The following NUP133 variants were observed in gnomAD, a reference collection of about 807,000 sequenced individuals.
NUP133 encodes nuclear pore complex protein Nup133.
A neutral mutation model predicts 146.2 loss-of-function variants in NUP133; 66 were observed. That is an observed-to-expected ratio of 0.45 (90% CI 0.37 to 0.55). The LOEUF (loss-of-function observed/expected upper bound fraction) is 0.55. NUP133 is among the 20% of genes least tolerant of loss of function. The pLI is 0.00. For synonymous variants in NUP133, 521 were observed against 498.8 expected (o/e 1.04, Z -0.59); for missense variants, 1,277 against 1,374.8 (o/e 0.93, Z 1.12).
chr1:229,505,831 T>C lies in NUP133; in HGVS notation c.301+209A>G, dbSNP rs566893625. ...TGAACCTGGGAGGTGGTGGTTGCAG[T>C]GAGCTGAGATCACACCACTGCACTC... On this transcript the variant is annotated intron_variant, in intron 2 of 25. Coordinates refer to ENST00000261396, the MANE Select transcript of NUP133 (RefSeq NM_018230.3). 3.0e-3 allele frequency among the ~76,000 whole-genome samples: 462 copies of C among 152,202 alleles called. 2 individuals carry two copies. The highest frequency in any genetic ancestry group is 0.011 in the African/African-American group (450 of 41,528).
In NUP133 at chr1:229,450,543, C is replaced by T; in HGVS notation, c.3162G>A (p.Leu1054=). The change falls in exon 23 of 26, where the codon TTG becomes TTA. Residue 1054 remains leucine (L), a synonymous_variant. Coordinates refer to ENST00000261396, the MANE Select transcript of NUP133 (RefSeq NM_018230.3). ...NEYDFKKALD[L]LEYIDEEEDI... is the part of the protein sequence containing the mutation. ...TACTTACCTCATCAATATATTCCAA[C>T]AAGTCCAAAGCTTTCTTGAAATCAT... 1.9e-6 allele frequency: 3 copies of T among 1,583,526 alleles called. No individual in the cohort carries two copies. The highest frequency in any genetic ancestry group is 2.6e-6 in the Non-Finnish European group (3 of 1,157,822).
intron 14 of NUP133, among the ~76,000 whole-genome samples, chr1:229,472,281 T>C (rs766848044): frequency 1.4e-5 from 2 of 144,908 alleles, no homozygotes; most frequent in Non-Finnish European, 3.0e-5. Context: ...ATTGCGCCAC[T>C]GCACTCCAGC....
At chr1:229,471,577 T>C (rs935109213) in intron 14 of NUP133, among the ~76,000 whole-genome samples, 1 of 152,218 alleles carries the variant, frequency 6.6e-6, no homozygotes, top group Non-Finnish European at 1.5e-5. Context: ...TCTACTGAGT[T>C]GCTTGGTGCC....
intron 21 of NUP133, among the ~76,000 whole-genome samples, chr1:229,456,747 ATATATATACACACAATTT>A (rs1660569209): frequency 6.6e-6 from 1 of 151,588 alleles, no homozygotes; most frequent in African/African-American, 2.4e-5. Context: ...TATTGTGTAT[ATATATATACACACAATTT>A]TATATATACA....
chr1:229,475,686 T>C lies in NUP133; in HGVS notation c.1803A>G (p.Leu601=), dbSNP rs149582145. ...AAGAGTGAGCTTTCATCTTGTCTTC[T>C]AGCTGGTGAAGGATAATCAGTGACG... ...SNTSLIILHQ[L]EDKMKAHSFL... is the part of the protein sequence containing the mutation. Residue 601 remains leucine (L), a synonymous_variant, in exon 14 of 26, where the codon CTA becomes CTG. Transcript: ENST00000261396. 1.2e-6 allele frequency: 2 copies of C among 1,614,114 alleles called. No homozygotes were observed. Among genetic ancestry groups the C allele is most frequent in the African/African-American group, 2.7e-5 (2 of 74,944 alleles).
At chr1:229,459,608 A>G (rs1169433999) in intron 20 of NUP133, among the ~76,000 whole-genome samples, 3 of 152,164 alleles carry the variant, frequency 2.0e-5, no homozygotes, top group African/African-American at 7.2e-5. Flanking sequence ...TGGATTCCAC[A>G]TATGAGTTAT....
At chr1:229,469,584 A>G (rs1276114575) in intron 15 of NUP133, among the ~76,000 whole-genome samples, 2 of 152,218 alleles carry the variant, frequency 1.3e-5, no homozygotes, top group Admixed American at 1.3e-4. Flanking sequence ...TCAGGCCTGA[A>G]GAGGCACAAG....
chr1:229,461,398 T>TC (rs1571913028), intron 19 of NUP133, among the ~76,000 whole-genome samples: 1 of 152,126 alleles, frequency 6.6e-6, no homozygotes, highest in East Asian at 1.9e-4. Context: ...AGAGATACTT[T>TC]CCCTAAAGCA....
At chr1:229,479,312 T>C (rs762545287) in intron 12 of NUP133, among the ~76,000 whole-genome samples, 2 of 152,224 alleles carry the variant, frequency 1.3e-5, no homozygotes, top group African/African-American at 2.4e-5. Context: ...CCGCATTTGG[T>C]TGAAAACAGC....
At chr1:229,471,998 T>C (rs1660967028) in intron 14 of NUP133, among the ~76,000 whole-genome samples, 1 of 152,212 alleles carries the variant, frequency 6.6e-6, no homozygotes, top group African/African-American at 2.4e-5. Context: ...CTGACTTGAA[T>C]TTATTTCCTG....
chr1:229,452,453 C>T (rs1042690895), intron 22 of NUP133, 72 bp downstream of exon 22: 1 of 1,196,574 alleles, frequency 8.4e-7, no homozygotes, highest in Non-Finnish European at 1.2e-6. Context: ...AGGAACTATA[C>T]TACATGGCCC....
At chr1:229,448,980 C>T (rs1660378964) in intron 24 of NUP133, 146 bp downstream of exon 24, 1 of 663,726 alleles carries the variant, frequency 1.5e-6, no homozygotes, top group Admixed American at 2.6e-5. Flanking sequence ...TGCCCACCAA[C>T]AGAACTCACT....
At chr1:229,475,803 A>AGCC in intron 13 of NUP133, 71 bp from the exon 14 acceptor site, 1 of 1,210,986 alleles carries the variant, frequency 8.3e-7, no homozygotes, top group Non-Finnish European at 1.2e-6. Flanking sequence ...ATCAGTGGCT[A>AGCC]ACTGCTATTA....
intron 2 of NUP133, among the ~76,000 whole-genome samples, chr1:229,504,559 G>A (rs116778542): frequency 3.9e-5 from 6 of 152,284 alleles, no homozygotes; most frequent in African/African-American, 1.2e-4. Flanking sequence ...CAATGGTAAC[G>A]TCATAAATTT....
chr1:229,447,592 T>C (rs1211652134), intron 24 of NUP133, among the ~76,000 whole-genome samples: 1 of 152,036 alleles, frequency 6.6e-6, no homozygotes, highest in Non-Finnish European at 1.5e-5. Flanking sequence ...TGTTCCTCAA[T>C]ATCCAGGGAG....
chr1:229,471,329 G>A (rs1660950290), intron 14 of NUP133, among the ~76,000 whole-genome samples: 1 of 152,106 alleles, frequency 6.6e-6, no homozygotes, highest in African/African-American at 2.4e-5. Context: ...GGCTGATCTT[G>A]GCCACAAGAT....
intron 24 of NUP133, 103 bp downstream of exon 24, chr1:229,449,023 C>A: frequency 1.2e-6 from 1 of 868,626 alleles, no homozygotes; most frequent in South Asian, 1.4e-5. Context: ...GAAATCCCAA[C>A]ACGTCTGGTC....
At position 229,487,632 on chromosome 1, in the gene NUP133, A is replaced by C; in HGVS notation, c.1195-19T>G. 6.4e-7 allele frequency: 1 copy of C among 1,565,438 alleles called. No individual in the cohort carries two copies. ...CTTCAGACTGAAAGTTAAATTTAAGATTACATTTAACAAGAAGTAAAACAA... is the reference window on the plus strand; with the variant it reads ...CTTCAGACTGAAAGTTAAATTTAAGCTTACATTTAACAAGAAGTAAAACAA... On this transcript the variant is annotated intron_variant, in intron 9 of 25. Coordinates refer to ENST00000261396, the MANE Select transcript of NUP133 (RefSeq NM_018230.3).
intron 10 of NUP133, among the ~76,000 whole-genome samples, chr1:229,487,041 C>T (rs1661369267): frequency 6.6e-6 from 1 of 152,044 alleles, no homozygotes. Flanking sequence ...GTCCTCTGCC[C>T]AACCCCTTCA....
Sources: allele counts gnomAD v4.1 joint callset (sites outside exome capture counted in the v4.1 genomes callset), GRCh38; gene constraint gnomAD v4.1.1; transcripts MANE v1.5; gene names NCBI Gene and HGNC (gene_info 2026-07-23, HGNC 2026-07-21).